Variants in FCHSD2 observed in about 807,000 individuals in gnomAD.
FCHSD2 encodes F-BAR and double SH3 domains protein 2.
In FCHSD2, 38 loss-of-function variants were observed where a neutral mutation model predicts 108.1. The ratio of observed to expected loss-of-function variants is 0.35; its 90% CI spans 0.27 to 0.46. The LOEUF (loss-of-function observed/expected upper bound fraction) is 0.46, where lower values mean the gene tolerates loss of function less well. Ranked by LOEUF, FCHSD2 falls within the 20% of genes least tolerant of loss-of-function variation. FCHSD2 has a pLI of 1.00. For synonymous variants in FCHSD2, 279 were observed against 314.7 expected, an observed-to-expected ratio of 0.89 and a Z score of 1.20; for missense variants, 751 against 897.8, an observed-to-expected ratio of 0.84 and a Z score of 2.09.
At chr11:72,988,937 T>G (rs534744630) in intron 6 of FCHSD2, 27 bp downstream of exon 6, 1 of 1,581,028 alleles carries the variant, frequency 6.3e-7, no homozygotes, top group African/African-American at 1.4e-5. Context: ...TGCATAATAA[T>G]TTTCTCAGAA....
intron 3 of FCHSD2, among the ~76,000 whole-genome samples, chr11:73,045,049 G>A (rs548628649): frequency 8.7e-4 from 129 of 147,586 alleles, no homozygotes; most frequent in Non-Finnish European, 1.5e-3. Flanking sequence ...CAGCCTGGGC[G>A]ACAGAGCAAG....
chr11:73,134,194 T>A (rs1274050398), intron 2 of FCHSD2, among the ~76,000 whole-genome samples: 1 of 151,758 alleles, frequency 6.6e-6, no homozygotes, highest in African/African-American at 2.4e-5. Context: ...CTCAGCACCA[T>A]GCACAGTGGC....
intron 8 of FCHSD2, among the ~76,000 whole-genome samples, chr11:72,953,991 G>C (rs776390319): frequency 1.5e-4 from 23 of 152,108 alleles, no homozygotes; most frequent in Non-Finnish European, 2.6e-4. Context: ...TAAATTTAGT[G>C]AGAACAGAAG....
At chr11:72,948,392 T>C (rs1856559605) in intron 8 of FCHSD2, among the ~76,000 whole-genome samples, 1 of 152,228 alleles carries the variant, frequency 6.6e-6, no homozygotes, top group East Asian at 1.9e-4. Context: ...TTCAACATTT[T>C]AGTTGCTTTC....
intron 9 of FCHSD2, among the ~76,000 whole-genome samples, chr11:72,914,265 G>A (rs1404761813): frequency 2.0e-5 from 3 of 151,946 alleles, no homozygotes; most frequent in East Asian, 1.9e-4. Flanking sequence ...TCTGCCCACC[G>A]TGGCCTCCCA....
At chr11:72,902,470 G>T in intron 10 of FCHSD2, 73 bp downstream of exon 10, 1 of 974,006 alleles carries the variant, frequency 1.0e-6, no homozygotes, top group Non-Finnish European at 1.6e-6. Flanking sequence ...GTCTGTCTAT[G>T]CCAAGGGTAA....
At chr11:72,882,415 GGAAGGAGAA>G (rs1855109487) in intron 12 of FCHSD2, among the ~76,000 whole-genome samples, 1 of 151,990 alleles carries the variant, frequency 6.6e-6, no homozygotes, top group Non-Finnish European at 1.5e-5. Flanking sequence ...AGGATTATGG[GGAAGGAGAA>G]GAAGAGAGAT....
At chr11:73,100,594 C>T (rs1201707518) in intron 2 of FCHSD2, among the ~76,000 whole-genome samples, 1 of 152,118 alleles carries the variant, frequency 6.6e-6, no homozygotes, top group African/African-American at 2.4e-5. Context: ...AACTCTCGAC[C>T]TCAGGTGATC....
intron 4 of FCHSD2, among the ~76,000 whole-genome samples, chr11:73,009,460 A>G (rs1008511347): frequency 6.6e-6 from 1 of 152,114 alleles, no homozygotes; most frequent in Non-Finnish European, 1.5e-5. Flanking sequence ...TCATGCCACC[A>G]CACTCCAGCC....
chr11:73,024,779 T>C (rs1858188236), intron 3 of FCHSD2, among the ~76,000 whole-genome samples: 1 of 151,826 alleles, frequency 6.6e-6, no homozygotes, highest in Non-Finnish European at 1.5e-5. Context: ...ATAAGGAAAT[T>C]AAACAAGTTT....
chr11:73,048,093 C>T (rs924686533), intron 3 of FCHSD2, among the ~76,000 whole-genome samples: 8 of 151,754 alleles, frequency 5.3e-5, no homozygotes, highest in African/African-American at 1.9e-4. Context: ...ACAGGAGGAA[C>T]AAGAAAACAG....
chr11:72,881,091 C>T (rs1855076847), intron 12 of FCHSD2, among the ~76,000 whole-genome samples: 1 of 152,088 alleles, frequency 6.6e-6, no homozygotes, highest in African/African-American at 2.4e-5. Context: ...AACAGATGAC[C>T]TACAGAATGG....
At chr11:73,035,150 T>TTATG (rs200439027) in intron 3 of FCHSD2, among the ~76,000 whole-genome samples, 15,285 of 143,838 alleles carry the variant, frequency 0.11, 856 homozygotes, top group East Asian at 0.25. Flanking sequence ...GTTTTTATTT[T>TTATG]TATGTATGTA....
chr11:73,074,052 T>C (rs1172520677), intron 3 of FCHSD2, among the ~76,000 whole-genome samples: 1 of 152,152 alleles, frequency 6.6e-6, no homozygotes. Context: ...AGATTTATTG[T>C]TATAAAGACA....
intron 10 of FCHSD2, among the ~76,000 whole-genome samples, chr11:72,899,562 C>G (rs1855485002): frequency 6.6e-6 from 1 of 151,648 alleles, no homozygotes; most frequent in South Asian, 2.1e-4. Context: ...GTGACATCCC[C>G]TCTCTACCAA....
At chr11:72,977,417 A>G (rs1196560293) in intron 8 of FCHSD2, among the ~76,000 whole-genome samples, 1 of 152,240 alleles carries the variant, frequency 6.6e-6, no homozygotes, top group African/African-American at 2.4e-5. Context: ...ATGGTAAAAA[A>G]TATTTGTAAA....
intron 3 of FCHSD2, among the ~76,000 whole-genome samples, chr11:73,071,535 CAA>C (rs1038388058): frequency 3.8e-5 from 5 of 130,820 alleles, no homozygotes; most frequent in Admixed American, 2.3e-4. Flanking sequence ...ACTAAAAATA[CAA>C]AAAAAAAAAA....
chr11:72,915,445 G>C (rs938104733), intron 9 of FCHSD2, among the ~76,000 whole-genome samples: 1 of 152,150 alleles, frequency 6.6e-6, no homozygotes, highest in African/African-American at 2.4e-5. Flanking sequence ...ACATATGCCT[G>C]CTTATGTTCA....
chr11:72,926,149 G>A (rs1230865598), intron 8 of FCHSD2, among the ~76,000 whole-genome samples: 2 of 152,154 alleles, frequency 1.3e-5, no homozygotes, highest in Non-Finnish European at 2.9e-5. Context: ...GAAGAGGGTG[G>A]GTTCCCAGTA....
Sources: allele counts gnomAD v4.1 joint callset (sites outside exome capture counted in the v4.1 genomes callset), GRCh38; gene constraint gnomAD v4.1.1; transcripts MANE v1.5; gene names NCBI Gene and HGNC (gene_info 2026-07-23, HGNC 2026-07-21).